Variants in ABR observed in about 807,000 individuals in gnomAD.
The protein encoded by ABR is ABR activator of RhoGEF and GTPase.
A neutral mutation model predicts 107.2 loss-of-function variants in ABR; 35 were observed. The observed-to-expected ratio is 0.33, with a 90% CI of 0.25 to 0.43. The LOEUF (loss-of-function observed/expected upper bound fraction) is 0.43, where lower values mean the gene tolerates loss of function less well. Ranked by LOEUF, ABR falls within the 20% of genes least tolerant of loss-of-function variation. The pLI is 1.00. For synonymous variants in ABR, 498 were observed against 462.0 expected (o/e 1.08, Z -1.00); for missense variants, 815 against 1,115.2 (o/e 0.73, Z 3.83).
intron 2 of ABR, among the ~76,000 whole-genome samples, chr17:1,111,539 C>G (rs2038676539): frequency 1.3e-5 from 2 of 152,198 alleles, no homozygotes; most frequent in Admixed American, 1.3e-4. Context: ...TCCATAGAAG[C>G]AGCCTGCTTC....
At chr17:1,023,756 G>A (rs1047548309) in intron 16 of ABR, among the ~76,000 whole-genome samples, 31 of 152,160 alleles carry the variant, frequency 2.0e-4, no homozygotes, top group African/African-American at 6.5e-4. Flanking sequence ...TGGGCGCGGT[G>A]GTTCACACCT....
rs968039791 is a variant in ABR at position 1,027,751 on chromosome 17, T to G, written c.1792-14587A>C. 6.6e-6 allele frequency among the ~76,000 whole-genome samples: 1 copy of G among 150,628 alleles called. No homozygotes were observed. Among genetic ancestry groups the G allele is most frequent in the African/African-American group, 2.4e-5 (1 of 40,948 alleles). On this transcript the variant is annotated intron_variant, in intron 16 of 22. Transcript: ENST00000302538. The surrounding 1 kb of genome is among the most constrained non-coding windows in gnomAD (Gnocchi z 4.7). ...TGTGGCTGAGGGGTCGCTATGGGGG[T>G]GTGTGTGAACAGAGAAGACGCACGA...
upstream of ABR, among the ~76,000 whole-genome samples, chr17:1,187,516 G>A (rs771175441): frequency 3.3e-5 from 5 of 152,222 alleles, no homozygotes; most frequent in African/African-American, 4.8e-5. Flanking sequence ...GAGGAGCTCC[G>A]TCTGGGAAGG....
intron 1 of ABR, among the ~76,000 whole-genome samples, chr17:1,195,434 C>T (rs2042539770): frequency 6.6e-6 from 1 of 151,368 alleles, no homozygotes; most frequent in East Asian, 2.0e-4. Context: ...ATTAACTAGT[C>T]TCTGGTGTAT....
intron 1 of ABR, among the ~76,000 whole-genome samples, chr17:1,192,357 A>AT (rs1426987386): frequency 6.6e-5 from 10 of 151,602 alleles, no homozygotes; most frequent in African/African-American, 2.4e-4. Context: ...GCTGCTTATG[A>AT]TAATAGACTT....
intron 2 of ABR, among the ~76,000 whole-genome samples, chr17:1,112,475 A>T (rs1450378093): frequency 1.3e-5 from 2 of 152,194 alleles, no homozygotes. Context: ...GGCGCACCTG[A>T]AATCTCAGGT....
intron 1 of ABR, among the ~76,000 whole-genome samples, chr17:1,170,970 A>G (rs2041688998): frequency 6.6e-6 from 1 of 152,084 alleles, no homozygotes; most frequent in Non-Finnish European, 1.5e-5. Flanking sequence ...CGCTGACCCC[A>G]CAACTCCCAG....
chr17:1,076,725 G>GGGC (rs2035757472), intron 6 of ABR, among the ~76,000 whole-genome samples: 1 of 128,750 alleles, frequency 7.8e-6, no homozygotes. Flanking sequence ...GGGGGGGGTG[G>GGGC]GGGTGGGGGG....
Position 1,005,390 on chromosome 17 carries a change from T to C in ABR, c.*690A>G. On this transcript the variant is annotated 3_prime_UTR_variant, in exon 23 of 23. Coordinates refer to ENST00000302538, the MANE Select transcript of ABR (RefSeq NM_021962.5). The stretch of plus-strand genomic sequence containing the variant: ...GTGCTAAGCTGGGGACGAGTGTGAG[T>C]GTGTCTGCTTGTCCAACATTTGCAC... 1 of 376,496 alleles carries C rather than the reference T, an allele frequency of 2.7e-6. No homozygotes were observed. The highest frequency in any genetic ancestry group is 4.7e-6 in the Non-Finnish European group (1 of 212,530). The allele number at this position is 376,496 out of a possible 1,614,324, so 23.3% of individuals were successfully genotyped here.
At chr17:1,121,955 C>T (rs143263380) in intron 2 of ABR, among the ~76,000 whole-genome samples, 2,830 of 152,280 alleles carry the variant, frequency 0.019, 83 homozygotes, top group African/African-American at 0.064. Context: ...CAGGCTGGAG[C>T]GCAGTGGCAA....
chr17:1,005,481 C>T lies in ABR; in HGVS notation c.*599G>A, dbSNP rs538814215. ...CTGAGGAGGGGCCGGCAGCGGCAAACGGCAGCATCAAACAGACCACTGCTG... is the reference window on the plus strand; with the variant it reads ...CTGAGGAGGGGCCGGCAGCGGCAAATGGCAGCATCAAACAGACCACTGCTG... On this transcript the variant is annotated 3_prime_UTR_variant, in exon 23 of 23. Transcript: ENST00000302538. 2.8e-5 allele frequency: 7 copies of T among 254,222 alleles called. No homozygotes were observed. Among genetic ancestry groups the T allele is most frequent in the East Asian group, 7.0e-5 (1 of 14,346 alleles). The allele number at this position is 254,222 out of a possible 1,614,324, so 15.7% of individuals were successfully genotyped here.
At chr17:1,031,328 G>T (rs909962549) in intron 16 of ABR, among the ~76,000 whole-genome samples, 6 of 152,186 alleles carry the variant, frequency 3.9e-5, no homozygotes, top group Non-Finnish European at 7.4e-5. Flanking sequence ...TCCCGGAGTG[G>T]AAAGCAGGGT....
chr17:1,168,124 T>C (rs1169952154), intron 1 of ABR, among the ~76,000 whole-genome samples: 1 of 151,052 alleles, frequency 6.6e-6, no homozygotes, highest in Non-Finnish European at 1.5e-5. Flanking sequence ...CCGTCTCTAC[T>C]AAAAATACAA....
chr17:1,169,863 C>T (rs2041642263), intron 1 of ABR, among the ~76,000 whole-genome samples: 2 of 152,118 alleles, frequency 1.3e-5, no homozygotes, highest in African/African-American at 2.4e-5. Flanking sequence ...CAAATCCCCG[C>T]GTCCTCGCCC....
At chr17:1,192,605 C>T (rs2042458641) in intron 1 of ABR, among the ~76,000 whole-genome samples, 5 of 151,604 alleles carry the variant, frequency 3.3e-5, no homozygotes, top group African/African-American at 2.4e-5. Context: ...GGTGAAATCC[C>T]GTCTCTGCTA....
intron 16 of ABR, among the ~76,000 whole-genome samples, chr17:1,038,332 A>G (rs543907185): frequency 1.3e-5 from 2 of 152,252 alleles, no homozygotes; most frequent in South Asian, 2.1e-4. Context: ...CTTTGTAAGG[A>G]CACCTCTGGG....
intron 2 of ABR, among the ~76,000 whole-genome samples, chr17:1,112,621 A>AAGGGAGGAAGGAAGGAAGGAAGAG (rs2038742928): frequency 6.7e-6 from 1 of 149,104 alleles, no homozygotes; most frequent in Non-Finnish European, 1.5e-5. Flanking sequence ...GGGAGGAAGG[A>AAGGGAGGAAGGAAGGAAGGAAGAG]AGGAAGGAAG....
chr17:1,229,255 G>A (rs560384710), exon 1 of ABR, among the ~76,000 whole-genome samples: 4 of 151,728 alleles, frequency 2.6e-5, no homozygotes, highest in African/African-American at 7.2e-5. Flanking sequence ...GGCTGCAGGA[G>A]CTGCCGGTGG....
intron 1 of ABR, among the ~76,000 whole-genome samples, chr17:1,173,313 C>G (rs1284665626): frequency 1.3e-4 from 3 of 23,282 alleles, no homozygotes; most frequent in Non-Finnish European, 2.0e-4. Flanking sequence ...TCCACCCCCC[C>G]CATCACCTCA....
Sources: allele counts gnomAD v4.1 joint callset (sites outside exome capture counted in the v4.1 genomes callset), GRCh38; gene constraint gnomAD v4.1.1; non-coding constraint Gnocchi (gnomAD v3.1); transcripts MANE v1.5; gene names NCBI Gene and HGNC (gene_info 2026-07-23, HGNC 2026-07-21).